The following GPHN variants were observed in gnomAD, a reference collection of about 807,000 sequenced individuals.
The protein encoded by GPHN is gephyrin.
Under a neutral mutation model 95.5 loss-of-function variants are expected in GPHN, and 17 were observed. The ratio of observed to expected loss-of-function variants is 0.18; its 90% CI spans 0.12 to 0.27. GPHN has a LOEUF of 0.27. Ranked by LOEUF, GPHN falls within the 10% of genes least tolerant of loss-of-function variation. The pLI is 1.00. For missense variants in GPHN, 660 were observed against 978.1 expected (o/e 0.67, Z 4.34); for synonymous variants, 320 against 322.5 (o/e 0.99, Z 0.08).
chr14:67,539,332 G>C, the GPHN span, among the ~76,000 whole-genome samples: 1 of 152,182 alleles, frequency 6.6e-6, no homozygotes, highest in Non-Finnish European at 1.5e-5. Context: ...CTTTTGAGAT[G>C]GGGATTGCTG....
chr14:67,003,398 A>G (rs1567201480), intron 9 of GPHN, among the ~76,000 whole-genome samples: 1 of 151,742 alleles, frequency 6.6e-6, no homozygotes, highest in Non-Finnish European at 1.5e-5. Flanking sequence ...GGATTAATGT[A>G]GGAATCTATC....
At chr14:67,500,634 C>T in the GPHN span, among the ~76,000 whole-genome samples, 9 of 148,486 alleles carry the variant, frequency 6.1e-5, no homozygotes, top group African/African-American at 1.2e-4. Context: ...TGCAGTGGCG[C>T]GATCTCGGCT....
At chr14:67,633,222 A>G in the GPHN span, among the ~76,000 whole-genome samples, 111 of 152,194 alleles carry the variant, frequency 7.3e-4, no homozygotes, top group African/African-American at 2.6e-3. Flanking sequence ...GTTGAATTCA[A>G]ATGAGGTCCA....
chr14:66,972,217 G>A (rs563124288), intron 9 of GPHN, among the ~76,000 whole-genome samples: 162 of 145,878 alleles, frequency 1.1e-3, no homozygotes, highest in South Asian at 2.1e-3. Context: ...GCAGTGAGCC[G>A]AGATTGCACC....
chr14:67,321,798 T>C, the GPHN span, among the ~76,000 whole-genome samples: 1 of 152,208 alleles, frequency 6.6e-6, no homozygotes, highest in Non-Finnish European at 1.5e-5. Context: ...TTAGAGATGT[T>C]CTGCTTGTAT....
At chr14:66,746,763 A>C (rs987118150) in intron 2 of GPHN, among the ~76,000 whole-genome samples, 6 of 152,128 alleles carry the variant, frequency 3.9e-5, no homozygotes, top group African/African-American at 9.7e-5. Context: ...AGATGCCACC[A>C]AGGCTACATG....
the GPHN span, among the ~76,000 whole-genome samples, chr14:67,600,897 C>T: frequency 1.3e-5 from 2 of 152,118 alleles, no homozygotes; most frequent in South Asian, 4.1e-4. Context: ...CAGTTTTAAT[C>T]ATGCTTTTGC....
the GPHN span, among the ~76,000 whole-genome samples, chr14:67,265,880 G>T: frequency 2.0e-5 from 3 of 148,704 alleles, no homozygotes; most frequent in Non-Finnish European, 3.0e-5. Context: ...AAGGAAAAAA[G>T]AAAACAAAGT....
At chr14:66,591,071 A>G (rs1022169854) in intron 1 of GPHN, among the ~76,000 whole-genome samples, 47 of 152,210 alleles carry the variant, frequency 3.1e-4, no homozygotes, top group African/African-American at 1.1e-3. Flanking sequence ...GATTATCTCA[A>G]TAGATGCAGA....
At chr14:67,585,334 G>A in the GPHN span, 1 of 511,130 alleles carries the variant, frequency 2.0e-6, no homozygotes, top group South Asian at 2.2e-5. Context: ...GATCGCCTCT[G>A]CCTTTGAGAT....
the GPHN span, among the ~76,000 whole-genome samples, chr14:67,669,220 G>A: frequency 6.6e-6 from 1 of 151,688 alleles, no homozygotes; most frequent in African/African-American, 2.4e-5. Context: ...TTGAATTCTT[G>A]CTGTTAAATA....
At chr14:66,754,482 TAGTG>T (rs1312243584) in intron 2 of GPHN, among the ~76,000 whole-genome samples, 10 of 151,960 alleles carry the variant, frequency 6.6e-5, no homozygotes, top group Non-Finnish European at 1.2e-4. Flanking sequence ...CTTCTCTCTA[TAGTG>T]AGTCATATGT....
intron 2 of GPHN, among the ~76,000 whole-genome samples, chr14:66,749,272 T>C (rs1005505164): frequency 6.6e-5 from 10 of 151,962 alleles, no homozygotes; most frequent in African/African-American, 2.4e-4. Context: ...TGTTTACAAG[T>C]TTTGGCCATT....
At chr14:66,948,137 A>C (rs1214647264) in intron 8 of GPHN, among the ~76,000 whole-genome samples, 1 of 152,182 alleles carries the variant, frequency 6.6e-6, no homozygotes, top group Non-Finnish European at 1.5e-5. Context: ...TGGCATGCAG[A>C]TTTCAGCAAG....
At chr14:66,818,758 G>A (rs142625854) in intron 3 of GPHN, among the ~76,000 whole-genome samples, 1 of 152,084 alleles carries the variant, frequency 6.6e-6, no homozygotes, top group Non-Finnish European at 1.5e-5. Context: ...AACCTTGCCA[G>A]TATCTGTTAT....
chr14:66,549,063 A>T (rs1309239645), intron 1 of GPHN, among the ~76,000 whole-genome samples: 3 of 152,106 alleles, frequency 2.0e-5, no homozygotes, highest in Admixed American at 6.5e-5. Context: ...ATCTAAATAT[A>T]TGTATTATGT....
At chr14:67,246,841 G>A in the GPHN span, among the ~76,000 whole-genome samples, 13 of 151,894 alleles carry the variant, frequency 8.6e-5, no homozygotes, top group Admixed American at 2.6e-4. Context: ...TAGTAGAGGC[G>A]GGGTTTCACC....
chr14:66,867,456 A>T (rs774722611), intron 4 of GPHN, among the ~76,000 whole-genome samples: 4 of 152,198 alleles, frequency 2.6e-5, no homozygotes, highest in Non-Finnish European at 5.9e-5. Context: ...AGAAAAAAAT[A>T]GATTTATAAC....
chr14:66,990,881 T>C (rs2071370173), intron 9 of GPHN, among the ~76,000 whole-genome samples: 1 of 151,708 alleles, frequency 6.6e-6, no homozygotes, highest in Non-Finnish European at 1.5e-5. Flanking sequence ...ATTTTAAAAT[T>C]AAATATTTAA....
Sources: gnomAD v4.1 joint callset for allele counts (sites outside exome capture counted in the v4.1 genomes callset) on GRCh38, gnomAD v4.1.1 for gene constraint, MANE v1.5 for transcripts, NCBI Gene and HGNC (gene_info 2026-07-23, HGNC 2026-07-21) for gene names.